Variants in MAPK14 observed in about 807,000 individuals in gnomAD.
The protein encoded by MAPK14 is CSAID-binding protein.
A neutral mutation model predicts 49.6 loss-of-function variants in MAPK14; 16 were observed. The ratio of observed to expected loss-of-function variants is 0.32; its 90% confidence interval spans 0.22 to 0.49. The LOEUF (loss-of-function observed/expected upper bound fraction) is 0.49. Among genes scored for constraint, MAPK14 ranks in the 20% least tolerant of loss-of-function variants. The pLI is 0.99. For synonymous variants in MAPK14, 142 were observed against 158.0 expected (o/e 0.90, Z 0.76); for missense variants, 200 against 441.2 (o/e 0.45, Z 4.90).
intron 1 of MAPK14, among the ~76,000 whole-genome samples, chr6:36,042,659 AT>A (rs1175269944): frequency 0.014 from 1,852 of 137,022 alleles, 27 homozygotes; most frequent in African/African-American, 0.043. Context: ...TGCCCACCTA[AT>A]TTTTTTTTTT....
chr6:36,118,983 G>A, the MAPK14 span, among the ~76,000 whole-genome samples: 1 of 152,138 alleles, frequency 6.6e-6, no homozygotes. Flanking sequence ...ACATTACTTT[G>A]TCTAACTATT....
chr6:36,031,103 C>A (rs1323608881), intron 1 of MAPK14, among the ~76,000 whole-genome samples: 1 of 152,238 alleles, frequency 6.6e-6, no homozygotes, highest in Non-Finnish European at 1.5e-5. Flanking sequence ...CAACTTCCAC[C>A]TCCTGGGTTC....
chr6:36,078,970 A>AC (rs1248229437), intron 8 of MAPK14, among the ~76,000 whole-genome samples: 2 of 152,246 alleles, frequency 1.3e-5, no homozygotes, highest in Admixed American at 6.5e-5. Context: ...CCTGGGGACC[A>AC]CCCCAAAGAC....
At chr6:36,044,808 A>G (rs1763108905) in intron 1 of MAPK14, among the ~76,000 whole-genome samples, 1 of 151,970 alleles carries the variant, frequency 6.6e-6, no homozygotes, top group Non-Finnish European at 1.5e-5. Context: ...CTGTTTTTCT[A>G]AATGTATTTA....
At chr6:36,092,159 C>G (rs2127463477) in intron 8 of MAPK14, 2 of 526,538 alleles carry the variant, frequency 3.8e-6, no homozygotes, top group Middle Eastern at 4.3e-4. Flanking sequence ...AATTCTCCAT[C>G]CCCTGGCTTT....
At chr6:36,048,223 T>A (rs1277462588) in intron 1 of MAPK14, among the ~76,000 whole-genome samples, 2 of 151,572 alleles carry the variant, frequency 1.3e-5, no homozygotes, top group African/African-American at 2.4e-5. Context: ...TATATTTTTT[T>A]AGTAGAGACG....
At chr6:36,121,714 A>G in the MAPK14 span, among the ~76,000 whole-genome samples, 6 of 152,008 alleles carry the variant, frequency 3.9e-5, no homozygotes, top group Non-Finnish European at 4.4e-5. Flanking sequence ...ACTTAATTTT[A>G]TTTCTTACAA....
At chr6:36,081,328 A>G (rs1476790375) in intron 8 of MAPK14, among the ~76,000 whole-genome samples, 2 of 152,110 alleles carry the variant, frequency 1.3e-5, no homozygotes, top group African/African-American at 4.8e-5. Context: ...TTTAGCTCTT[A>G]TACTTAGGTC....
chr6:36,061,549 T>A (rs1763822349), intron 3 of MAPK14, among the ~76,000 whole-genome samples: 2 of 152,240 alleles, frequency 1.3e-5, no homozygotes, highest in Admixed American at 1.3e-4. Flanking sequence ...TCTAGCTGGA[T>A]ACTGTTTTTT....
intron 4 of MAPK14, 46 bp downstream of exon 4, chr6:36,073,030 T>A: frequency 8.2e-7 from 1 of 1,213,588 alleles, no homozygotes; most frequent in Non-Finnish European, 1.2e-6. Flanking sequence ...ATTCTCCCTT[T>A]CTCCCCTCCT....
intron 1 of MAPK14, among the ~76,000 whole-genome samples, chr6:36,040,785 C>T (rs1762933889): frequency 6.6e-6 from 1 of 152,158 alleles, no homozygotes; most frequent in African/African-American, 2.4e-5. Flanking sequence ...AGTGTCTCTT[C>T]TGGTATTCTG....
At chr6:36,074,482 T>G (rs851009) in intron 6 of MAPK14, among the ~76,000 whole-genome samples, 131,466 of 152,234 alleles carry the variant, frequency 0.86, 56,897 homozygotes, top group East Asian at 1. Flanking sequence ...TGTTTCTAAA[T>G]AGCAAGCAGC....
At position 36,096,039 on chromosome 6, in the gene MAPK14, G is replaced by A; in HGVS notation, c.735G>A (p.Glu245=). ...ILRLVGTPGA[E]LLKKISSESA... is the part of the protein sequence containing the mutation. ...GACTCGTTGGAACCCCAGGGGCTGA[G>A]CTTTTGAAGAAAATCTCCTCAGAGT... The change falls in exon 9 of 12, where the codon GAG becomes GAA. Residue 245 remains glutamate, a synonymous_variant. Transcript: ENST00000229794. 1 of 1,613,648 alleles carries A rather than the reference G, an allele frequency of 6.2e-7. No homozygotes were observed. The highest frequency in any genetic ancestry group is 8.5e-7 in the Non-Finnish European group (1 of 1,179,582).
At chr6:36,044,383 C>T in intron 1 of MAPK14, among the ~76,000 whole-genome samples, 1 of 152,158 alleles carries the variant, frequency 6.6e-6, no homozygotes, top group Non-Finnish European at 1.5e-5. Flanking sequence ...AATCATGGTG[C>T]AGTCGTTTGT....
chr6:36,036,730 A>ATTGACCCTTAGCATTTTTTAGC (rs1388554652), intron 1 of MAPK14, among the ~76,000 whole-genome samples: 47 of 147,972 alleles, frequency 3.2e-4, no homozygotes, highest in Admixed American at 2.9e-3. Context: ...TTTTAGCAAA[A>ATTGACCCTTAGCATTTTTTAGC]AAATATTTAT....
intron 8 of MAPK14, among the ~76,000 whole-genome samples, chr6:36,093,435 C>T (rs1765318815): frequency 6.6e-6 from 1 of 152,054 alleles, no homozygotes; most frequent in African/African-American, 2.4e-5. Flanking sequence ...AAAATTGACT[C>T]TCAGCCAGGC....
intron 11 of MAPK14, among the ~76,000 whole-genome samples, chr6:36,108,023 C>G (rs1382432188): frequency 6.6e-6 from 1 of 152,174 alleles, no homozygotes; most frequent in Non-Finnish European, 1.5e-5. Context: ...TGTGTCCAGT[C>G]CCATATTCTT....
At chr6:36,058,801 G>A (rs1763683674) in intron 2 of MAPK14, among the ~76,000 whole-genome samples, 1 of 151,898 alleles carries the variant, frequency 6.6e-6, no homozygotes, top group South Asian at 2.1e-4. Flanking sequence ...TTGGGAGGCT[G>A]AGACAGGATT....
chr6:36,063,684 G>A (rs1405492123), intron 3 of MAPK14, among the ~76,000 whole-genome samples: 1 of 152,124 alleles, frequency 6.6e-6, no homozygotes, highest in Non-Finnish European at 1.5e-5. Flanking sequence ...CTATACCTTT[G>A]AGAAAGGAAC....
Sources: gnomAD v4.1 joint callset for allele counts (sites outside exome capture counted in the v4.1 genomes callset) on GRCh38, gnomAD v4.1.1 for gene constraint, MANE v1.5 for transcripts, NCBI Gene and HGNC (gene_info 2026-07-23, HGNC 2026-07-21) for gene names.